SPOCK3: variants seen among roughly 807,000 people sequenced by gnomAD.
SPOCK3 encodes the protein testican-3.
SPOCK3 carries 30 observed loss-of-function variants against 56.6 expected under a neutral mutation model. The observed-to-expected ratio is 0.53, with a 90% CI of 0.40 to 0.72. The LOEUF (loss-of-function observed/expected upper bound fraction) is 0.72. Ranked by LOEUF, SPOCK3 falls within the 30% of genes least tolerant of loss-of-function variation. The pLI is 0.00. For missense variants in SPOCK3, 527 were observed against 530.0 expected, an observed-to-expected ratio of 0.99 and a Z score of 0.06; for synonymous variants, 196 against 183.3, an observed-to-expected ratio of 1.07 and a Z score of -0.56.
At chr4:166,884,894 C>T (rs1321630975) in intron 6 of SPOCK3, among the ~76,000 whole-genome samples, 1 of 151,762 alleles carries the variant, frequency 6.6e-6, no homozygotes, top group East Asian at 1.9e-4. Context: ...CACACACACA[C>T]ACACACTTAG....
At chr4:166,753,944 C>T in intron 8 of SPOCK3, 1 of 244,002 alleles carries the variant, frequency 4.1e-6, no homozygotes. Flanking sequence ...TCCAACTTTT[C>T]ACTTACCTCA....
chr4:166,826,635 C>G (rs1745510745), intron 6 of SPOCK3, among the ~76,000 whole-genome samples: 1 of 152,080 alleles, frequency 6.6e-6, no homozygotes, highest in African/African-American at 2.4e-5. Context: ...TATAATTTTA[C>G]AGTCAATAAA....
chr4:167,089,961 GTTTT>G, intron 2 of SPOCK3, among the ~76,000 whole-genome samples: 1 of 152,126 alleles, frequency 6.6e-6, no homozygotes, highest in East Asian at 1.9e-4. Context: ...AGTAGTCTGG[GTTTT>G]TTTTTATTGC....
intron 6 of SPOCK3, among the ~76,000 whole-genome samples, chr4:166,875,715 T>A (rs913951136): frequency 1.3e-5 from 2 of 152,056 alleles, no homozygotes; most frequent in African/African-American, 4.8e-5. Flanking sequence ...GTGTTACAGA[T>A]GAGAATTTGT....
chr4:167,035,398 T>A (rs964937920), intron 3 of SPOCK3, among the ~76,000 whole-genome samples: 2 of 151,798 alleles, frequency 1.3e-5, no homozygotes, highest in Admixed American at 6.6e-5. Context: ...GCAGATAATG[T>A]AATGTAAGAT....
chr4:166,980,216 G>A (rs1006636199), intron 4 of SPOCK3, among the ~76,000 whole-genome samples: 2 of 152,192 alleles, frequency 1.3e-5, no homozygotes, highest in Non-Finnish European at 2.9e-5. Context: ...ACTTTAGCCT[G>A]CAGGACAGCA....
At chr4:166,954,199 T>C (rs537757929) in intron 4 of SPOCK3, among the ~76,000 whole-genome samples, 1 of 152,328 alleles carries the variant, frequency 6.6e-6, no homozygotes, top group South Asian at 2.1e-4. Flanking sequence ...CATTTTTGTA[T>C]GTTAACCCCT....
chr4:166,968,581 G>A (rs1745010313), intron 4 of SPOCK3, among the ~76,000 whole-genome samples: 1 of 152,184 alleles, frequency 6.6e-6, no homozygotes, highest in African/African-American at 2.4e-5. Flanking sequence ...TCCATGTGAT[G>A]TTGGGCATGC....
At chr4:166,765,204 G>C (rs62355170) in intron 7 of SPOCK3, among the ~76,000 whole-genome samples, 21,965 of 152,188 alleles carry the variant, frequency 0.14, 2,005 homozygotes, top group Non-Finnish European at 0.21. Context: ...GATCCCATTT[G>C]TCTATTCTGG....
chr4:167,026,197 G>A (rs906086822), intron 3 of SPOCK3, among the ~76,000 whole-genome samples: 1 of 152,028 alleles, frequency 6.6e-6, no homozygotes, highest in Non-Finnish European at 1.5e-5. Flanking sequence ...GCCATGCAGA[G>A]CCCTGTGTCG....
intron 2 of SPOCK3, among the ~76,000 whole-genome samples, chr4:167,078,992 A>G (rs912566961): frequency 6.6e-6 from 1 of 151,786 alleles, no homozygotes; most frequent in Admixed American, 6.6e-5. Context: ...CAATCACTGG[A>G]AAGATCTCAG....
At chr4:167,027,690 G>C (rs377354195) in intron 3 of SPOCK3, among the ~76,000 whole-genome samples, 1 of 152,020 alleles carries the variant, frequency 6.6e-6, no homozygotes, top group Non-Finnish European at 1.5e-5. Context: ...AAGTAAGCTA[G>C]AGAAAAATGT....
At chr4:167,210,816 G>T (rs1734796577) in intron 2 of SPOCK3, among the ~76,000 whole-genome samples, 1 of 151,456 alleles carries the variant, frequency 6.6e-6, no homozygotes, top group South Asian at 2.1e-4. Context: ...AGTGCAGAAG[G>T]CTCTCTCTCT....
At chr4:167,184,495 G>A (rs1269142047) in intron 2 of SPOCK3, among the ~76,000 whole-genome samples, 1 of 152,108 alleles carries the variant, frequency 6.6e-6, no homozygotes, top group Admixed American at 6.6e-5. Context: ...ACCACTGCAG[G>A]AAGGCACTTT....
rs375649376 is a variant in SPOCK3 at position 167,212,849 on chromosome 4, TA to T, written c.189+21135del. ...GTCACTAGAAAATTATACTCTAGGG[TA>T]TTAGAAACAGTGTGGTCAAGGTATT... On this transcript the variant is annotated intron_variant, in intron 2 of 10. Transcript: ENST00000357545. 3.0e-4 allele frequency among the ~76,000 whole-genome samples: 45 copies of T among 152,282 alleles called. No homozygotes were observed. In the South Asian group the frequency reaches 8.3e-3, roughly 28 times the overall value.
intron 7 of SPOCK3, among the ~76,000 whole-genome samples, chr4:166,755,546 G>A (rs1736957216): frequency 6.6e-6 from 1 of 152,056 alleles, no homozygotes; most frequent in African/African-American, 2.4e-5. Flanking sequence ...GAGGGATTCA[G>A]TGAGCTCTCA....
intron 3 of SPOCK3, among the ~76,000 whole-genome samples, chr4:167,054,780 A>C (rs1395236462): frequency 2.6e-5 from 4 of 152,242 alleles, no homozygotes; most frequent in Admixed American, 2.6e-4. Flanking sequence ...TGTCATAGTT[A>C]AACCAAAAGG....
At chr4:167,128,085 ACTAGATCTTTG>A (rs1230875728) in intron 2 of SPOCK3, among the ~76,000 whole-genome samples, 1 of 152,122 alleles carries the variant, frequency 6.6e-6, no homozygotes, top group Non-Finnish European at 1.5e-5. Flanking sequence ...CTCTCTCTTT[ACTAGATCTTTG>A]CTTTCAGCAG....
chr4:166,955,471 T>C (rs1432806317), intron 4 of SPOCK3, among the ~76,000 whole-genome samples: 1 of 146,240 alleles, frequency 6.8e-6, no homozygotes, highest in Non-Finnish European at 1.5e-5. Flanking sequence ...AAATATTATA[T>C]TATATTTAAT....
Sources: allele counts gnomAD v4.1 joint callset (sites outside exome capture counted in the v4.1 genomes callset), GRCh38; gene constraint gnomAD v4.1.1; transcripts MANE v1.5; gene names NCBI Gene and HGNC (gene_info 2026-07-23, HGNC 2026-07-21).